The following MELTF variants were observed in gnomAD, a reference collection of about 807,000 sequenced individuals.
The protein encoded by MELTF is melanotransferrin.
Under a neutral mutation model 83.7 loss-of-function variants are expected in MELTF, and 67 were observed. The observed-to-expected ratio is 0.80, with a 90% CI of 0.66 to 0.98. The LOEUF is 0.98. MELTF is among the 50% of genes least tolerant of loss of function. The pLI, the probability that MELTF is intolerant of heterozygous loss-of-function variation, is 0.00. For missense variants in MELTF, 1,002 were observed against 1,035.6 expected, an observed-to-expected ratio of 0.97 and a Z score of 0.44; for synonymous variants, 462 against 447.6, an observed-to-expected ratio of 1.03 and a Z score of -0.41.
In MELTF at chr3:197,003,743, C is replaced by G; in HGVS notation, c.2137+158G>C. 2.5e-6 allele frequency: 2 copies of G among 815,018 alleles called. No homozygotes were observed. The highest frequency in any genetic ancestry group is 3.8e-6 in the Non-Finnish European group (2 of 531,498). The allele number at this position is 815,018 out of a possible 1,614,324, so 50.5% of individuals were successfully genotyped here. On this transcript the variant is annotated intron_variant, in intron 15 of 15. Coordinates refer to ENST00000296350, the MANE Select transcript of MELTF (RefSeq NM_005929.6). This position sits in a 1 kb window ranked among gnomAD's most constrained non-coding sequence, Gnocchi z 6.2. ...GGGCTCCCGCCCTCCCGGCCCGCAG[C>G]CTCCTGGCCAAAATCCTCCCGGGAC...
At chr3:197,026,607 A>C in intron 3 of MELTF, 53 bp downstream of exon 3, 4 of 1,529,932 alleles carry the variant, frequency 2.6e-6, no homozygotes, top group South Asian at 1.1e-5. Context: ...GGCAGCCTGG[A>C]GAGCTGACTT....
Position 197,010,913 on chromosome 3 carries a change from C to A in MELTF, c.1234-119G>T. On this transcript the variant is annotated intron_variant, in intron 9 of 15. Coordinates refer to ENST00000296350, the MANE Select transcript of MELTF (RefSeq NM_005929.6). ...GGGTTTGTGGCCTCAGGCTTCCTTC[C>A]CCTGGGGAATGTGGGTGGGGAGTAC... The A allele has an allele frequency of 3.5e-6, 3 of 845,832 alleles. 1 individual carries two copies. Among genetic ancestry groups the A allele is most frequent in the Non-Finnish European group, 5.8e-6 (3 of 521,608 alleles). The allele number at this position is 845,832 out of a possible 1,614,324, so 52.4% of individuals were successfully genotyped here.
Position 197,029,767 on chromosome 3 carries a change from GC to G in MELTF, c.-66del. 9.0e-7 allele frequency: 1 copy of G among 1,106,536 alleles called. No homozygotes were observed. The highest frequency in any genetic ancestry group is 3.2e-5 in the East Asian group (1 of 30,986). The allele number at this position is 1,106,536 out of a possible 1,614,324, so 68.5% of individuals were successfully genotyped here. Reference sequence around the variant, plus strand: ...TCCGGGTCCGAGGAGGTCCGCAGCAGCCGGGCTTCCTCCCTGCTCCCCCTCG... The same window carrying G: ...TCCGGGTCCGAGGAGGTCCGCAGCAGCGGGCTTCCTCCCTGCTCCCCCTCG... On this transcript the variant is annotated 5_prime_UTR_variant, in exon 1 of 16. Transcript: ENST00000296350. The surrounding 1 kb of genome is among the most constrained non-coding windows in gnomAD (Gnocchi z 6.5).
chr3:197,009,876 G>A, intron 10 of MELTF, 64 bp from the exon 11 acceptor site: 2 of 1,452,588 alleles, frequency 1.4e-6, no homozygotes, highest in South Asian at 1.2e-5. Flanking sequence ...TGCCTGGGGG[G>A]GTCCTTCCTT....
At chr3:197,009,385 G>C (rs368425563) in intron 11 of MELTF, among the ~76,000 whole-genome samples, 97 of 152,340 alleles carry the variant, frequency 6.4e-4, no homozygotes, top group Non-Finnish European at 1.1e-3. Context: ...TGTGTGGCCT[G>C]TCAGCCCAAG....
chr3:197,003,529 G>A lies in MELTF; in HGVS notation c.2138-78C>T. ...CTCAGGCGCCCGCTCTGGGGTGGGGGTGGGGGCATCTTTCGGGACCGAACT... is the reference window on the plus strand; with the variant it reads ...CTCAGGCGCCCGCTCTGGGGTGGGGATGGGGGCATCTTTCGGGACCGAACT... On this transcript the variant is annotated intron_variant, in intron 15 of 15. Transcript: ENST00000296350. This position sits in a 1 kb window ranked among gnomAD's most constrained non-coding sequence, Gnocchi z 6.2. 1 of 582,500 alleles carries A rather than the reference G, an allele frequency of 1.7e-6. No individual in the cohort carries two copies. The allele number at this position is 582,500 out of a possible 1,614,324, so 36.1% of individuals were successfully genotyped here.
In MELTF at chr3:197,015,980, G is replaced by A. The variant is rs569682439; in HGVS notation, c.1081+209C>T. Among the ~76,000 whole-genome samples, 11 of 152,282 alleles carry A rather than the reference G, an allele frequency of 7.2e-5. No homozygotes were observed. The East Asian group carries it at 1.3e-3, about 19-fold the overall frequency. ...GATGGTCTGCATCCTCCCCCGCTGC[G>A]GCCAGGTGGGGCTTCCGAGGTACAA... On this transcript the variant is annotated intron_variant, in intron 8 of 15. Coordinates refer to ENST00000296350, the MANE Select transcript of MELTF (RefSeq NM_005929.6).
In MELTF at chr3:197,003,520, G is replaced by GGGGTGA. The variant is rs1718844736; in HGVS notation, c.2138-70_2138-69insTCACCC. ...GGTGGCCGCCTCAGGCGCCCGCTCT[G>GGGGTGA]GGGTGGGGGTGGGGGCATCTTTCGG... is the stretch of plus-strand genomic sequence containing the variant. On this transcript the variant is annotated intron_variant, in intron 15 of 15. Coordinates refer to ENST00000296350, the MANE Select transcript of MELTF (RefSeq NM_005929.6). The surrounding 1 kb of genome is among the most constrained non-coding windows in gnomAD (Gnocchi z 6.2). 2.6e-6 allele frequency: 2 copies of GGGGTGA among 756,154 alleles called. 1 individual carries two copies. Among genetic ancestry groups the GGGGTGA allele is most frequent in the Admixed American group, 3.1e-4 (2 of 6,500 alleles). 46.8% of individuals were successfully genotyped at this position (756,154 alleles called of 1,614,324 possible).
At position 197,022,442 on chromosome 3, in the gene MELTF, G is replaced by A. The variant is rs190939628; in HGVS notation, c.644+515C>T. Among the ~76,000 whole-genome samples, 2 of 152,308 alleles carry A rather than the reference G, an allele frequency of 1.3e-5. No homozygotes were observed. The highest frequency in any genetic ancestry group is 3.9e-4 in the East Asian group (2 of 5,188). On this transcript the variant is annotated intron_variant, in intron 5 of 15. Transcript: ENST00000296350. The surrounding 1 kb of genome is among the most constrained non-coding windows in gnomAD (Gnocchi z 5.1). ...CCAGCAGGCTTCCCTGCTCCAGGTG[G>A]AAACGTGAGGTAGCTAGAGGGGCCC... is the stretch of plus-strand genomic sequence containing the variant.
Position 197,024,331 on chromosome 3 carries a change from G to C in MELTF, c.459C>G (p.Leu153=). ...PVGYLVESGR[L]SVMGCDVLKA... ...TGAGTACATCGCAGCCCATCACCGA[G>C]AGGCGGCCGCTCTCCACCAGGTAGC... is the stretch of plus-strand genomic sequence containing the variant. Residue 153 remains leucine, a synonymous_variant, in exon 4 of 16, where the codon CTC becomes CTG. Transcript: ENST00000296350. The surrounding 1 kb of genome is among the most constrained non-coding windows in gnomAD (Gnocchi z 5.3). 6.3e-7 allele frequency: 1 copy of C among 1,587,036 alleles called. No individual in the cohort carries two copies. Among genetic ancestry groups the C allele is most frequent in the East Asian group, 2.3e-5 (1 of 44,286 alleles).
At position 197,029,536 on chromosome 3, in the gene MELTF, C is replaced by A. The variant is rs1451911441; in HGVS notation, c.49+118G>T. The A allele has an allele frequency of 5.0e-6, 4 of 799,422 alleles. No homozygotes were observed. The highest frequency in any genetic ancestry group is 6.7e-6 in the Non-Finnish European group (4 of 593,688). 49.5% of individuals were successfully genotyped at this position (799,422 alleles called of 1,614,324 possible). On this transcript the variant is annotated intron_variant, in intron 1 of 15. Coordinates refer to ENST00000296350, the MANE Select transcript of MELTF (RefSeq NM_005929.6). This position sits in a 1 kb window ranked among gnomAD's most constrained non-coding sequence, Gnocchi z 6.5. ...ACTCGACCCCGAGCCCCTGCCTCCCCCGTCTCACTGCCCCGGAGCCGCAGG... is the reference window on the plus strand; with the variant it reads ...ACTCGACCCCGAGCCCCTGCCTCCCACGTCTCACTGCCCCGGAGCCGCAGG...
rs1719026235 is a variant in MELTF, at chr3:197,007,635, A to C, written c.1751-899T>G. Among the ~76,000 whole-genome samples, 1 of 152,112 alleles carries C rather than the reference A, an allele frequency of 6.6e-6. No individual in the cohort carries two copies. The highest frequency in any genetic ancestry group is 2.1e-4 in the South Asian group (1 of 4,826). On this transcript the variant is annotated intron_variant, in intron 13 of 15. Coordinates refer to ENST00000296350, the MANE Select transcript of MELTF (RefSeq NM_005929.6). This position sits in a 1 kb window ranked among gnomAD's most constrained non-coding sequence, Gnocchi z 4.3. ...CAGCCCCTCCCTGGGGGAGGGTTTC[A>C]GGTGTTCTTGGTAGGAGGCTGGGTG...
chr3:197,012,241 C>G (rs1031908543), intron 9 of MELTF, among the ~76,000 whole-genome samples: 1 of 152,182 alleles, frequency 6.6e-6, no homozygotes, highest in Non-Finnish European at 1.5e-5. Context: ...GCTCAGGCAA[C>G]GCGGTGTGGG....
At position 197,008,808 on chromosome 3, in the gene MELTF, C is replaced by T. The variant is rs960073260; in HGVS notation, c.1682+1G>A. On this transcript the variant is annotated splice_donor_variant, in intron 12 of 15. Coordinates refer to ENST00000296350, the MANE Select transcript of MELTF (RefSeq NM_005929.6). LOFTEE classifies it high-confidence loss of function. This position sits in a 1 kb window ranked among gnomAD's most constrained non-coding sequence, Gnocchi z 5.4. ...CCCAGACTGCCAGGCCACCCGGGTACCTGAAGGCGCCGCGGTAGCCGTAAT... is the reference window on the plus strand; with the variant it reads ...CCCAGACTGCCAGGCCACCCGGGTATCTGAAGGCGCCGCGGTAGCCGTAAT... 2 of 1,614,018 alleles carry T rather than the reference C, an allele frequency of 1.2e-6. No individual in the cohort carries two copies. Among genetic ancestry groups the T allele is most frequent in the African/African-American group, 2.7e-5 (2 of 74,940 alleles).
chr3:197,026,710 G>A lies in MELTF; in HGVS notation c.254C>T (p.Ala85Val), dbSNP rs138558868. The part of the protein sequence containing the change: ...ITLDGGAIYE[A>V]GKEHGLKPVV... The stretch of plus-strand genomic sequence containing the variant: ...CGGCTTCAGGCCGTGCTCCTTTCCC[G>A]CCTCATAGATGGCTCCTCCATCCAG... Residue 85 changes from alanine to valine, a missense_variant, in exon 3 of 16, where the codon GCG (alanine) becomes GTG (valine). Physicochemically the swap from Ala to Val is moderately conservative, Grantham distance 64. Coordinates refer to ENST00000296350, the MANE Select transcript of MELTF (RefSeq NM_005929.6). The A allele has an allele frequency of 1.5e-4, 239 of 1,613,336 alleles. 1 individual carries two copies. Among genetic ancestry groups the A allele is most frequent in the African/African-American group, 7.7e-4 (58 of 75,056 alleles).
intron 4 of MELTF, among the ~76,000 whole-genome samples, chr3:197,023,589 C>T (rs991081721): frequency 2.6e-5 from 4 of 152,218 alleles, no homozygotes; most frequent in South Asian, 2.1e-4. Flanking sequence ...ATGGTTCTTC[C>T]GGCCCTGCCA....
intron 11 of MELTF, 130 bp from the exon 12 acceptor site, chr3:197,009,095 C>T: frequency 9.7e-7 from 1 of 1,032,524 alleles, no homozygotes; most frequent in Non-Finnish European, 1.4e-6. Context: ...GTCTGCTCCG[C>T]TCCCCTCAGC....
rs377676889 is a variant in MELTF, at chr3:197,004,110, C to G, written c.1939-11G>C. On this transcript the variant is annotated splice_polypyrimidine_tract_variant and intron_variant, in intron 14 of 15. Coordinates refer to ENST00000296350, the MANE Select transcript of MELTF (RefSeq NM_005929.6). ...GTCTCCAAACAGGTCCTGGAAGCACCGCAGGCAGACGACCTGCTCCTCACT... is the reference window on the plus strand; with the variant it reads ...GTCTCCAAACAGGTCCTGGAAGCACGGCAGGCAGACGACCTGCTCCTCACT... 1 of 1,613,750 alleles carries G rather than the reference C, an allele frequency of 6.2e-7. No homozygotes were observed. The highest frequency in any genetic ancestry group is 1.3e-5 in the African/African-American group (1 of 74,946).
chr3:197,010,788 G>C lies in MELTF; in HGVS notation c.1240C>G (p.Gln414Glu), dbSNP rs866593537. ...CCACTCAGGGTCACAGCGTCGACCTGCTCAGCCTGAAGGGAATAGAAGAAG... is the reference window on the plus strand; with the variant it reads ...CCACTCAGGGTCACAGCGTCGACCTCCTCAGCCTGAAGGGAATAGAAGAAG... ...QHCMERIQAE[Q>E]VDAVTLSGED... Residue 414 changes from glutamine to glutamate, a missense_variant, in exon 10 of 16, where the codon CAG becomes GAG. Transcript: ENST00000296350. 5 of 1,613,246 alleles carry C rather than the reference G, an allele frequency of 3.1e-6. No homozygotes were observed. Among genetic ancestry groups the C allele is most frequent in the South Asian group, 1.1e-5 (1 of 91,094 alleles).
Sources: allele counts gnomAD v4.1 joint callset (sites outside exome capture counted in the v4.1 genomes callset), GRCh38; gene constraint gnomAD v4.1.1; non-coding constraint Gnocchi (gnomAD v3.1); transcripts MANE v1.5; gene names NCBI Gene and HGNC (gene_info 2026-07-23, HGNC 2026-07-21).